Variants in CAB39 observed in about 807,000 individuals in gnomAD.
The protein encoded by CAB39 is calcium-binding protein 39.
CAB39 carries 8 observed loss-of-function variants against 40.0 expected under a neutral mutation model. The ratio of observed to expected loss-of-function variants is 0.20; its 90% CI spans 0.12 to 0.36. CAB39 has a LOEUF of 0.36. Among genes scored for constraint, CAB39 ranks in the 10% least tolerant of loss-of-function variants. The probability of loss-of-function intolerance (pLI) is 1.00; values close to 1 mark genes in which losing one functional copy is unlikely to be tolerated. For missense variants in CAB39, 270 were observed against 401.1 expected, an observed-to-expected ratio of 0.67 and a Z score of 2.79; for synonymous variants, 156 against 141.6, an observed-to-expected ratio of 1.10 and a Z score of -0.72.
intron 1 of CAB39, among the ~76,000 whole-genome samples, chr2:230,757,817 C>A (rs1463029129): frequency 6.6e-6 from 1 of 151,878 alleles, no homozygotes; most frequent in Non-Finnish European, 1.5e-5. Flanking sequence ...TTCCCCCCCA[C>A]CCCCTGCCGC....
At chr2:230,764,707 G>T (rs1695354134) in intron 2 of CAB39, among the ~76,000 whole-genome samples, 1 of 152,138 alleles carries the variant, frequency 6.6e-6, no homozygotes. Context: ...GAAGTGACAG[G>T]TTCATTTTAT....
chr2:230,774,125 A>G (rs1024605329), intron 2 of CAB39, among the ~76,000 whole-genome samples: 1 of 152,230 alleles, frequency 6.6e-6, no homozygotes. Context: ...GACTCATTAT[A>G]TTAGAGTCAA....
chr2:230,789,738 G>A lies in CAB39; in HGVS notation c.115-1134G>A, dbSNP rs1695860002. Reference sequence around the variant, plus strand: ...GCAGCTCTTTCCTCTCTGCCACTCTGCCCTGTTGTAAACTCTAGTCTTCTT... The same window carrying A: ...GCAGCTCTTTCCTCTCTGCCACTCTACCCTGTTGTAAACTCTAGTCTTCTT... On this transcript the variant is annotated intron_variant, in intron 2 of 8. Transcript: ENST00000258418. Among the ~76,000 whole-genome samples, 4 of 152,194 alleles carry A rather than the reference G, an allele frequency of 2.6e-5. No homozygotes were observed. The South Asian group carries it at 8.3e-4, about 31-fold the overall frequency.
chr2:230,717,799 A>T (rs929456177), intron 1 of CAB39, among the ~76,000 whole-genome samples: 3 of 152,234 alleles, frequency 2.0e-5, no homozygotes, highest in East Asian at 3.9e-4. Context: ...TTTAAAACAG[A>T]AGGGGTGAGG....
chr2:230,763,628 T>A (rs933986211), intron 2 of CAB39, among the ~76,000 whole-genome samples: 1 of 151,160 alleles, frequency 6.6e-6, no homozygotes, highest in Admixed American at 6.6e-5. Context: ...GAAAACCTGG[T>A]CTCACAGCTG....
chr2:230,807,598 T>C (rs1286276167), intron 5 of CAB39, among the ~76,000 whole-genome samples: 1 of 152,186 alleles, frequency 6.6e-6, no homozygotes, highest in Non-Finnish European at 1.5e-5. Context: ...TGGTAACACA[T>C]AGAATCTCCC....
intron 1 of CAB39, among the ~76,000 whole-genome samples, chr2:230,751,609 T>C (rs1383854760): frequency 3.3e-5 from 5 of 152,206 alleles, no homozygotes; most frequent in Non-Finnish European, 5.9e-5. Flanking sequence ...ATTTTCCTAA[T>C]GGGTATCCTG....
intron 1 of CAB39, among the ~76,000 whole-genome samples, chr2:230,716,089 A>G (rs1305051142): frequency 2.0e-5 from 3 of 152,088 alleles, no homozygotes; most frequent in South Asian, 2.1e-4. Flanking sequence ...TTTCCCATGT[A>G]TTTTACATTC....
chr2:230,778,337 G>T (rs537108061), intron 2 of CAB39, among the ~76,000 whole-genome samples: 1 of 152,302 alleles, frequency 6.6e-6, no homozygotes, highest in East Asian at 1.9e-4. Context: ...CAGAGGAGGA[G>T]TGTTGGTAAG....
In CAB39 at chr2:230,760,106, A is replaced by G; in HGVS notation, c.105A>G (p.Lys35=). The G allele has an allele frequency of 6.2e-7, 1 of 1,602,022 alleles. No individual in the cohort carries two copies. Among genetic ancestry groups the G allele is most frequent in the Non-Finnish European group, 8.6e-7 (1 of 1,169,206 alleles). The change falls in exon 2 of 9, where the codon AAA becomes AAG. Residue 35 remains lysine (K), a synonymous_variant. Coordinates refer to ENST00000258418, the MANE Select transcript of CAB39 (RefSeq NM_016289.4). The part of the protein sequence containing the change: ...VLEKQDISDK[K]AEKATEEVSK... ...AAAAGCAAGACATTTCTGATAAAAAAGCAGAAAAGGTATGGATTTGGCTTT... is the reference window on the plus strand; with the variant it reads ...AAAAGCAAGACATTTCTGATAAAAAGGCAGAAAAGGTATGGATTTGGCTTT...
intron 1 of CAB39, among the ~76,000 whole-genome samples, chr2:230,736,423 G>A (rs886382333): frequency 2.0e-5 from 3 of 152,062 alleles, no homozygotes; most frequent in African/African-American, 7.2e-5. Context: ...ACCCCAGAGA[G>A]TTAGATAAAA....
chr2:230,766,694 A>G (rs1695392173), intron 2 of CAB39, among the ~76,000 whole-genome samples: 1 of 152,144 alleles, frequency 6.6e-6, no homozygotes. Context: ...ATGTTTGGCA[A>G]ATTTTTCTAT....
In CAB39 at chr2:230,818,803, T is replaced by C; in HGVS notation, c.*99T>C. 1 of 959,904 alleles carries C rather than the reference T, an allele frequency of 1.0e-6. No homozygotes were observed. The highest frequency in any genetic ancestry group is 1.6e-5 in the South Asian group (1 of 61,274). The allele number at this position is 959,904 out of a possible 1,614,324, so 59.5% of individuals were successfully genotyped here. On this transcript the variant is annotated 3_prime_UTR_variant, in exon 9 of 9. Coordinates refer to ENST00000258418, the MANE Select transcript of CAB39 (RefSeq NM_016289.4). ...GATTCATGAGGAACATTACTGCTAA[T>C]CTGCTGTTAAGTGAACGGTTTTTCA...
At chr2:230,809,921 G>A (rs956660540) in intron 5 of CAB39, among the ~76,000 whole-genome samples, 1 of 152,038 alleles carries the variant, frequency 6.6e-6, no homozygotes, top group African/African-American at 2.4e-5. Flanking sequence ...CTTTGTTTTT[G>A]TGTTTTTGTT....
intron 1 of CAB39, among the ~76,000 whole-genome samples, chr2:230,756,830 T>G (rs1335561753): frequency 1.3e-5 from 2 of 151,910 alleles, no homozygotes; most frequent in Non-Finnish European, 2.9e-5. Flanking sequence ...GTAGCTGGGA[T>G]TACAGGCACA....
intron 1 of CAB39, among the ~76,000 whole-genome samples, chr2:230,735,430 G>A (rs1237462933): frequency 6.6e-6 from 1 of 152,084 alleles, no homozygotes; most frequent in Non-Finnish European, 1.5e-5. Context: ...GCCTCCCAAA[G>A]TGCTGGGATT....
Position 230,798,762 on chromosome 2 carries a change from A to G in CAB39, c.432A>G (p.Gly144=), listed in dbSNP as rs764555149. 1.3e-6 allele frequency: 2 copies of G among 1,599,770 alleles called. No homozygotes were observed. The highest frequency in any genetic ancestry group is 1.7e-6 in the Non-Finnish European group (2 of 1,171,846). ...CTCCAGAAATAGCTCTAAATTGTGG[A>G]ATAATGTTAAGAGAATGCATCAGAC... ...YESPEIALNC[G]IMLRECIRHE... Residue 144 remains glycine (G), a synonymous_variant, in exon 5 of 9, where the codon GGA becomes GGG. Coordinates refer to ENST00000258418, the MANE Select transcript of CAB39 (RefSeq NM_016289.4).
intron 5 of CAB39, among the ~76,000 whole-genome samples, chr2:230,806,605 C>T (rs991613787): frequency 2.0e-4 from 31 of 152,238 alleles, no homozygotes; most frequent in African/African-American, 6.7e-4. Flanking sequence ...AGAGAAGCCT[C>T]GGTAGGGACC....
At chr2:230,730,646 G>A (rs1694671501) in intron 1 of CAB39, among the ~76,000 whole-genome samples, 1 of 152,058 alleles carries the variant, frequency 6.6e-6, no homozygotes, top group African/African-American at 2.4e-5. Context: ...GTTCCATCAT[G>A]TTGGCCAGGC....
Sources: allele counts gnomAD v4.1 joint callset (sites outside exome capture counted in the v4.1 genomes callset), GRCh38; gene constraint gnomAD v4.1.1; transcripts MANE v1.5; gene names NCBI Gene and HGNC (gene_info 2026-07-23, HGNC 2026-07-21).